Variants in STXBP5 observed in about 807,000 individuals in gnomAD.
STXBP5 encodes syntaxin binding protein 5.
A neutral mutation model predicts 152.4 loss-of-function variants in STXBP5; 50 were observed. The ratio of observed to expected loss-of-function variants is 0.33; its 90% CI spans 0.26 to 0.42. STXBP5 has a LOEUF of 0.42. Ranked by LOEUF, STXBP5 falls within the 10% of genes least tolerant of loss-of-function variation. STXBP5 has a pLI of 1.00. For missense variants in STXBP5, 1,167 were observed against 1,388.6 expected (o/e 0.84, Z 2.54); for synonymous variants, 492 against 494.7 (o/e 0.99, Z 0.07).
chr6:147,206,180 A>G (rs1776547321), intron 2 of STXBP5, 112 bp downstream of exon 2: 3 of 825,324 alleles, frequency 3.6e-6, no homozygotes, highest in African/African-American at 1.7e-5. Flanking sequence ...GTGATTAGAT[A>G]TATACTATGA....
chr6:147,351,663 G>A (rs1431725131), intron 21 of STXBP5, among the ~76,000 whole-genome samples: 2 of 152,056 alleles, frequency 1.3e-5, no homozygotes, highest in Non-Finnish European at 2.9e-5. Flanking sequence ...AATTTTTTAC[G>A]TTGGTGAAAA....
At chr6:147,383,856 G>A (rs1786215392) in intron 27 of STXBP5, among the ~76,000 whole-genome samples, 1 of 151,934 alleles carries the variant, frequency 6.6e-6, no homozygotes, top group Non-Finnish European at 1.5e-5. Flanking sequence ...AACTTGACCT[G>A]GAAGATACTT....
intron 8 of STXBP5, among the ~76,000 whole-genome samples, chr6:147,289,394 C>T (rs945135188): frequency 3.9e-5 from 6 of 152,166 alleles, no homozygotes; most frequent in African/African-American, 1.4e-4. Context: ...AATTACATTA[C>T]ATTTATAAAT....
intron 9 of STXBP5, chr6:147,292,780 A>AT (rs886396066): frequency 2.6e-5 from 4 of 152,192 alleles, no homozygotes; most frequent in African/African-American, 7.2e-5. Context: ...TTCAGGGAAG[A>AT]TTTTTTCCTC....
chr6:147,237,410 A>AC (rs984557738), intron 3 of STXBP5, among the ~76,000 whole-genome samples: 12 of 152,208 alleles, frequency 7.9e-5, no homozygotes, highest in African/African-American at 2.9e-4. Context: ...TGAAGGAGCC[A>AC]CCATAAGAAG....
rs796458350 is a variant in STXBP5 at position 147,273,949 on chromosome 6, C to CAA, written c.715-4117_715-4116dup. On this transcript the variant is annotated intron_variant, in intron 7 of 27. Transcript: ENST00000321680. ...CCTGGGCGACAGAGCGAGACTCTGG[C>CAA]AAAAAAAAAAAAAAAAGTTGAAATA... Among the ~76,000 whole-genome samples, 393 of 84,740 alleles carry CAA rather than the reference C, an allele frequency of 4.6e-3. 2 individuals are homozygous for CAA. The highest frequency in any genetic ancestry group is 0.017 in the African/African-American group (366 of 22,158). 55.6% of individuals were successfully genotyped at this position (84,740 alleles called of 152,430 possible).
At chr6:147,363,935 CAA>C in intron 24 of STXBP5, 64 bp from the exon 25 acceptor site, 1 of 1,510,418 alleles carries the variant, frequency 6.6e-7, no homozygotes, top group Non-Finnish European at 9.0e-7. Flanking sequence ...CCATTTTTAA[CAA>C]TGATAGTGTG....
At chr6:147,254,780 C>T (rs1371087498) in intron 4 of STXBP5, among the ~76,000 whole-genome samples, 2 of 152,132 alleles carry the variant, frequency 1.3e-5, no homozygotes, top group Non-Finnish European at 2.9e-5. Flanking sequence ...TCATCTCACA[C>T]CAGTTAGAAT....
At chr6:147,296,101 G>C (rs961094684) in intron 9 of STXBP5, among the ~76,000 whole-genome samples, 1 of 152,072 alleles carries the variant, frequency 6.6e-6, no homozygotes, top group Non-Finnish European at 1.5e-5. Flanking sequence ...GAGGGAGGCA[G>C]CCCTGGGCTG....
chr6:147,274,680 A>G (rs1381794346), intron 7 of STXBP5, among the ~76,000 whole-genome samples: 2 of 152,034 alleles, frequency 1.3e-5, no homozygotes, highest in African/African-American at 4.8e-5. Flanking sequence ...CAATATTTTC[A>G]TGTATTTGCA....
chr6:147,314,182 T>TACACCC (rs1554297146), intron 12 of STXBP5, 82 bp from the exon 13 acceptor site: 1 of 904,384 alleles, frequency 1.1e-6, no homozygotes, highest in African/African-American at 1.7e-5. Flanking sequence ...CTGGATTATT[T>TACACCC]ACACACACAC....
At chr6:147,216,006 A>G (rs558206603) in intron 2 of STXBP5, among the ~76,000 whole-genome samples, 1 of 152,346 alleles carries the variant, frequency 6.6e-6, no homozygotes, top group South Asian at 2.1e-4. Context: ...GAATGTAAGC[A>G]TTTTATTAAA....
At chr6:147,242,765 T>C (rs1226734903) in intron 4 of STXBP5, among the ~76,000 whole-genome samples, 2 of 152,182 alleles carry the variant, frequency 1.3e-5, no homozygotes, top group Non-Finnish European at 2.9e-5. Flanking sequence ...AAGTATGCTC[T>C]ATGATGTTCA....
chr6:147,360,971 A>G (rs1027829823), intron 23 of STXBP5, among the ~76,000 whole-genome samples: 2 of 152,212 alleles, frequency 1.3e-5, no homozygotes, highest in Admixed American at 1.3e-4. Flanking sequence ...TACATTAAAT[A>G]ATCAGTTTAA....
At chr6:147,342,528 A>G (rs1784139907) in intron 21 of STXBP5, among the ~76,000 whole-genome samples, 1 of 152,210 alleles carries the variant, frequency 6.6e-6, no homozygotes, top group Non-Finnish European at 1.5e-5. Context: ...TGTAGTATGT[A>G]TGCATATGGT....
At chr6:147,320,589 G>GTGTT (rs1254386285) in intron 16 of STXBP5, among the ~76,000 whole-genome samples, 6 of 146,908 alleles carry the variant, frequency 4.1e-5, no homozygotes, top group African/African-American at 7.4e-5. Context: ...GTGTGTGTGT[G>GTGTT]TGTGTACACA....
intron 8 of STXBP5, among the ~76,000 whole-genome samples, chr6:147,288,440 C>T (rs1197220414): frequency 6.6e-6 from 1 of 152,148 alleles, no homozygotes; most frequent in Non-Finnish European, 1.5e-5. Context: ...CTTAAAAATA[C>T]CACAGTCCCC....
rs140620543 is a variant in STXBP5, at chr6:147,253,841, A to T, written c.432-6774A>T. 2.2e-3 allele frequency among the ~76,000 whole-genome samples: 342 copies of T among 152,354 alleles called. 1 individual carries two copies. The highest frequency in any genetic ancestry group is 4.0e-3 in the Non-Finnish European group (271 of 68,032). ...CATTCCATGCTGATGGATAGGAAGA[A>T]TCAATATCGTGAAAATGGCCATACT... is the stretch of plus-strand genomic sequence containing the variant. On this transcript the variant is annotated intron_variant, in intron 4 of 27. Coordinates refer to ENST00000321680, the MANE Select transcript of STXBP5 (RefSeq NM_001127715.4).
chr6:147,324,279 T>G (rs1434055785), intron 16 of STXBP5, among the ~76,000 whole-genome samples: 7 of 132,198 alleles, frequency 5.3e-5, no homozygotes, highest in African/African-American at 1.7e-4. Context: ...TTTTTTTTTT[T>G]TTTTTTTTTT....
Sources: gnomAD v4.1 joint callset for allele counts (sites outside exome capture counted in the v4.1 genomes callset) on GRCh38, gnomAD v4.1.1 for gene constraint, MANE v1.5 for transcripts, NCBI Gene and HGNC (gene_info 2026-07-23, HGNC 2026-07-21) for gene names.